The following LRRTM3 variants were observed in gnomAD, a reference collection of about 807,000 sequenced individuals.
LRRTM3 encodes the protein leucine rich repeat transmembrane neuronal 3, also known as leucine-rich repeat transmembrane neuronal protein 3.
Under a neutral mutation model 44.7 loss-of-function variants are expected in LRRTM3, and 24 were observed. The observed-to-expected ratio is 0.54, with a 90% confidence interval of 0.39 to 0.76. The LOEUF (loss-of-function observed/expected upper bound fraction) is 0.76, where lower values mean the gene tolerates loss of function less well. Ranked by LOEUF, LRRTM3 falls within the 30% of genes least tolerant of loss-of-function variation. LRRTM3 has a pLI of 0.00. For synonymous variants in LRRTM3, 277 were observed against 278.7 expected (o/e 0.99, Z 0.06); for missense variants, 587 against 702.2 (o/e 0.84, Z 1.85).
chr10:67,066,188 T>A (rs1401208880), intron 2 of LRRTM3, among the ~76,000 whole-genome samples: 1 of 135,398 alleles, frequency 7.4e-6, no homozygotes, highest in African/African-American at 2.9e-5. Context: ...CCCACTGAAG[T>A]CACTGGCTTT....
At chr10:66,939,063 C>T (rs774051562) in intron 2 of LRRTM3, among the ~76,000 whole-genome samples, 11 of 152,164 alleles carry the variant, frequency 7.2e-5, no homozygotes, top group Non-Finnish European at 4.4e-5. Context: ...AGGGAACACC[C>T]TACGCTATGA....
intron 2 of LRRTM3, among the ~76,000 whole-genome samples, chr10:66,943,952 G>T (rs1290657343): frequency 6.6e-6 from 1 of 152,140 alleles, no homozygotes; most frequent in Non-Finnish European, 1.5e-5. Context: ...CAATCTTTTT[G>T]CTGGTGTAGG....
At chr10:66,977,067 A>G (rs534023740) in intron 2 of LRRTM3, among the ~76,000 whole-genome samples, 1 of 152,314 alleles carries the variant, frequency 6.6e-6, no homozygotes, top group Admixed American at 6.5e-5. Context: ...TAAAATAATG[A>G]CCTAATATAA....
At chr10:66,966,949 T>A (rs555046609) in intron 2 of LRRTM3, among the ~76,000 whole-genome samples, 24 of 152,150 alleles carry the variant, frequency 1.6e-4, no homozygotes, top group Non-Finnish European at 3.4e-4. Context: ...AGAAGAGAAA[T>A]TTTTTGTATT....
chr10:67,021,135 A>C (rs539053420), intron 2 of LRRTM3, among the ~76,000 whole-genome samples: 1 of 152,290 alleles, frequency 6.6e-6, no homozygotes, highest in East Asian at 1.9e-4. Context: ...ACGGAAGAGG[A>C]AGGCCAGTCA....
intron 2 of LRRTM3, among the ~76,000 whole-genome samples, chr10:67,081,702 C>G (rs1164502420): frequency 2.0e-5 from 3 of 152,100 alleles, no homozygotes; most frequent in Non-Finnish European, 2.9e-5. Flanking sequence ...TCTCCTGGAC[C>G]AGCTATGCTG....
At chr10:67,065,720 T>C (rs1330990002) in intron 2 of LRRTM3, among the ~76,000 whole-genome samples, 1 of 152,022 alleles carries the variant, frequency 6.6e-6, no homozygotes, top group Non-Finnish European at 1.5e-5. Flanking sequence ...GATAAAAAAC[T>C]AAGCCACACG....
chr10:66,962,484 A>T (rs373705417), intron 2 of LRRTM3, among the ~76,000 whole-genome samples: 1 of 150,934 alleles, frequency 6.6e-6, no homozygotes, highest in East Asian at 2.0e-4. Context: ...ATCTCTGCTC[A>T]CTGCAATCTC....
At chr10:67,084,955 T>C (rs574547329) in intron 2 of LRRTM3, among the ~76,000 whole-genome samples, 1 of 152,062 alleles carries the variant, frequency 6.6e-6, no homozygotes, top group South Asian at 2.1e-4. Context: ...CCTTGTATGT[T>C]ATAAATATCA....
intron 2 of LRRTM3, among the ~76,000 whole-genome samples, chr10:67,065,610 G>A (rs2133234286): frequency 6.6e-6 from 1 of 152,128 alleles, no homozygotes; most frequent in Admixed American, 6.6e-5. Context: ...GAAGGAAGTG[G>A]TGGGATATTT....
At chr10:66,937,898 T>C (rs72804630) in intron 2 of LRRTM3, among the ~76,000 whole-genome samples, 42,259 of 151,910 alleles carry the variant, frequency 0.28, 6,164 homozygotes, top group Middle Eastern at 0.34. Flanking sequence ...CTGTTTTTTT[T>C]CCCCCTCTCC....
intron 2 of LRRTM3, among the ~76,000 whole-genome samples, chr10:66,939,027 A>G (rs1475941909): frequency 6.6e-6 from 1 of 152,112 alleles, no homozygotes; most frequent in East Asian, 1.9e-4. Flanking sequence ...ATGCATTCTG[A>G]GGCCTCTCCT....
intron 2 of LRRTM3, among the ~76,000 whole-genome samples, chr10:67,080,684 C>A (rs866159033): frequency 6.6e-6 from 1 of 151,560 alleles, no homozygotes; most frequent in African/African-American, 2.4e-5. Context: ...CTGAGGCGGG[C>A]GGATCACGAG....
At chr10:67,080,685 G>A (rs1052178113) in intron 2 of LRRTM3, among the ~76,000 whole-genome samples, 10 of 151,998 alleles carry the variant, frequency 6.6e-5, no homozygotes, top group Admixed American at 5.2e-4. Flanking sequence ...TGAGGCGGGC[G>A]GATCACGAGG....
At chr10:66,926,769 C>G in intron 1 of LRRTM3, 152 bp from the exon 2 acceptor site, 1 of 945,898 alleles carries the variant, frequency 1.1e-6, no homozygotes, top group Non-Finnish European at 1.5e-6. Context: ...ACACTAAAGA[C>G]AATTCTCTTT....
intron 2 of LRRTM3, 83 bp from the exon 3 acceptor site, chr10:67,097,504 G>A: frequency 8.1e-7 from 1 of 1,232,182 alleles, no homozygotes. Flanking sequence ...AGGTTAGTCA[G>A]GTCAGCACTT....
In LRRTM3 at chr10:66,987,082, C is replaced by T. The variant is rs115121493; in HGVS notation, c.1536+58630C>T. The stretch of plus-strand genomic sequence containing the variant: ...AGAATAGCAAGTGCAAAAGTCCCGA[C>T]GTGAAGTCCTTTTAGCATTTTAGAG... On this transcript the variant is annotated intron_variant, in intron 2 of 2. Transcript: ENST00000361320. Among the ~76,000 whole-genome samples, 960 of 152,228 alleles carry T rather than the reference C, an allele frequency of 6.3e-3. 13 individuals are homozygous for T. Among genetic ancestry groups the T allele is most frequent in the African/African-American group, 0.021 (893 of 41,546 alleles).
At chr10:67,010,440 G>C (rs956537005) in intron 2 of LRRTM3, among the ~76,000 whole-genome samples, 1 of 152,176 alleles carries the variant, frequency 6.6e-6, no homozygotes, top group African/African-American at 2.4e-5. Flanking sequence ...TTGGATTGCT[G>C]ACTTAATGAT....
At chr10:66,980,479 ACAGGAACCAAAACTAT>A (rs879539430) in intron 2 of LRRTM3, among the ~76,000 whole-genome samples, 7,011 of 146,220 alleles carry the variant, frequency 0.048, 230 homozygotes, top group African/African-American at 0.071. Flanking sequence ...TCAGAATTGA[ACAGGAACCAAAACTAT>A]TGAGACCTTC....
Sources: gnomAD v4.1 joint callset for allele counts (sites outside exome capture counted in the v4.1 genomes callset) on GRCh38, gnomAD v4.1.1 for gene constraint, MANE v1.5 for transcripts, NCBI Gene and HGNC (gene_info 2026-07-23, HGNC 2026-07-21) for gene names.